HS3ST3B1: variants seen among roughly 807,000 people sequenced by gnomAD.
The protein encoded by HS3ST3B1 is heparan sulfate-glucosamine 3-sulfotransferase 3B1.
A neutral mutation model predicts 21.3 loss-of-function variants in HS3ST3B1; 13 were observed. That is an observed-to-expected ratio of 0.61 (90% CI 0.40 to 0.97). The LOEUF (loss-of-function observed/expected upper bound fraction) is 0.97, where lower values mean the gene tolerates loss of function less well. Ranked by LOEUF, HS3ST3B1 falls within the 50% of genes least tolerant of loss-of-function variation. The pLI is 0.00. For missense variants in HS3ST3B1, 459 were observed against 554.8 expected (o/e 0.83, Z 1.73); for synonymous variants, 234 against 254.8 (o/e 0.92, Z 0.78).
At chr17:14,319,173 T>C (rs1347030304) in intron 1 of HS3ST3B1, among the ~76,000 whole-genome samples, 2 of 152,176 alleles carry the variant, frequency 1.3e-5, no homozygotes, top group Non-Finnish European at 2.9e-5. Context: ...CAAGCTCAAG[T>C]ATAGTGGTGG....
At position 14,331,177 on chromosome 17, in the gene HS3ST3B1, AT is replaced by A. The variant is rs374296753; in HGVS notation, c.555-13849del. On this transcript the variant is annotated intron_variant, in intron 1 of 1. Transcript: ENST00000360954. ...CCCCTAGGAAATAGGACACAGGATC[AT>A]TGATTTCACAGGATTTGTCCCGGCA... Among the ~76,000 whole-genome samples the A allele has an allele frequency of 3.4e-3, 523 of 152,204 alleles. 2 individuals carry two copies. In the Middle Eastern group the frequency reaches 0.037, roughly 11 times the overall value.
rs965928844 is a variant in HS3ST3B1 at position 14,349,051 on chromosome 17, A to C, written c.*3405A>C. On this transcript the variant is annotated 3_prime_UTR_variant, in exon 2 of 2. Transcript: ENST00000360954. Reference sequence around the variant, plus strand: ...GGAAAATGGAAGATTCCAATAAACTAGAAACAGTACGTATCTAAGATGCTG... The same window carrying C: ...GGAAAATGGAAGATTCCAATAAACTCGAAACAGTACGTATCTAAGATGCTG... 3 of 152,238 alleles carry C rather than the reference A, an allele frequency of 2.0e-5. No homozygotes were observed. Among genetic ancestry groups the C allele is most frequent in the African/African-American group, 4.8e-5 (2 of 41,466 alleles). The allele number at this position is 152,238 out of a possible 1,614,324, so 9.4% of individuals were successfully genotyped here.
intron 1 of HS3ST3B1, among the ~76,000 whole-genome samples, chr17:14,302,663 T>C (rs1001201933): frequency 6.6e-6 from 1 of 151,758 alleles, no homozygotes; most frequent in Non-Finnish European, 1.5e-5. Flanking sequence ...CTCGGGAGGG[T>C]GAGCCGGGCG....
At chr17:14,338,484 C>A (rs184806109) in intron 1 of HS3ST3B1, among the ~76,000 whole-genome samples, 55 of 151,418 alleles carry the variant, frequency 3.6e-4, no homozygotes, top group Non-Finnish European at 5.9e-5. Flanking sequence ...CTCTTGTTGC[C>A]CAGGCTGGAG....
In HS3ST3B1 at chr17:14,301,887, C is replaced by T; in HGVS notation, c.369C>T (p.Ser123=). ...GTCCCGAGGTGCCGGACTCCCCAAG[C>T]CCCATCTCCAGCTTTTTCAGTGGGT... ...EQSPEVPDSP[S]PISSFFSGSG... is the part of the protein sequence containing the mutation. The change falls in exon 1 of 2, where the codon AGC becomes AGT. Residue 123 remains serine, a synonymous_variant. Coordinates refer to ENST00000360954, the MANE Select transcript of HS3ST3B1 (RefSeq NM_006041.3). 1 of 1,607,728 alleles carries T rather than the reference C, an allele frequency of 6.2e-7. No individual in the cohort carries two copies. Among genetic ancestry groups the T allele is most frequent in the East Asian group, 2.2e-5 (1 of 44,654 alleles).
Position 14,301,295 on chromosome 17 carries a change from A to T in HS3ST3B1, c.-224A>T. 1 of 492,440 alleles carries T rather than the reference A, an allele frequency of 2.0e-6. No homozygotes were observed. The highest frequency in any genetic ancestry group is 3.5e-6 in the Non-Finnish European group (1 of 283,672). 30.5% of individuals were successfully genotyped at this position (492,440 alleles called of 1,614,324 possible). ...TACCGCCGTCCCGACTTTCCGTTCC[A>T]GTTGCAGCTCCTGCCGGGCAACATG... is the stretch of plus-strand genomic sequence containing the variant. On this transcript the variant is annotated 5_prime_UTR_variant, in exon 1 of 2. Transcript: ENST00000360954.
At position 14,304,822 on chromosome 17, in the gene HS3ST3B1, TAAG is replaced by T. The variant is rs1909077753; in HGVS notation, c.554+2753_554+2755del. The stretch of plus-strand genomic sequence containing the variant: ...GAGTGGGGAGACATTTTGAAGGCAT[TAAG>T]AACAAAAAACGATGGGGACGAATGG... On this transcript the variant is annotated intron_variant, in intron 1 of 1. Transcript: ENST00000360954. 4 of 152,274 alleles carry T rather than the reference TAAG, an allele frequency of 2.6e-5. No homozygotes were observed. The South Asian group carries it at 8.3e-4, about 32-fold the overall frequency. The allele number at this position is 152,274 out of a possible 1,614,324, so 9.4% of individuals were successfully genotyped here.
intron 1 of HS3ST3B1, among the ~76,000 whole-genome samples, chr17:14,322,360 A>G (rs534803126): frequency 6.6e-6 from 1 of 152,242 alleles, no homozygotes; most frequent in African/African-American, 2.4e-5. Context: ...ACAACCCTTC[A>G]TTGTTATTAC....
intron 1 of HS3ST3B1, chr17:14,304,304 G>C (rs1909056189): frequency 6.6e-6 from 1 of 152,280 alleles, no homozygotes; most frequent in African/African-American, 2.4e-5. Context: ...GGATCGGGCT[G>C]CCGGAGGAGC....
chr17:14,346,768 C>T lies in HS3ST3B1; in HGVS notation c.*1122C>T, dbSNP rs141020580. On this transcript the variant is annotated 3_prime_UTR_variant, in exon 2 of 2. Transcript: ENST00000360954. ...TCCTTTAATTTGCATGAAACTACAC[C>T]ATGCTGCGTTCCCCAGGCAGACAGT... 1.6e-4 allele frequency: 24 copies of T among 152,298 alleles called. No individual in the cohort carries two copies. The highest frequency in any genetic ancestry group is 3.4e-3 in the Middle Eastern group (1 of 294). The allele number at this position is 152,298 out of a possible 1,614,324, so 9.4% of individuals were successfully genotyped here.
chr17:14,340,448 A>G (rs917966472), intron 1 of HS3ST3B1, among the ~76,000 whole-genome samples: 1 of 152,032 alleles, frequency 6.6e-6, no homozygotes, highest in Non-Finnish European at 1.5e-5. Context: ...CCACTTGCCC[A>G]TGCTGTATTC....
rs1330283953 is a variant in HS3ST3B1 at position 14,345,539 on chromosome 17, A to G, written c.1066A>G (p.Thr356Ala). The G allele has an allele frequency of 5.0e-6, 8 of 1,602,070 alleles. No individual in the cohort carries two copies. The highest frequency in any genetic ancestry group is 6.8e-6 in the Non-Finnish European group (8 of 1,173,788). The stretch of plus-strand genomic sequence containing the variant: ...TTGCCTGGGCAAGACCAAGGGCAGG[A>G]CCCATCCTGAGATCGACCGCGAGGT... ...PHCLGKTKGR[T>A]HPEIDREVVR... The change falls in exon 2 of 2, where the codon ACC becomes GCC. Residue 356 changes from threonine (T) to alanine (A), a missense_variant. Thr to Ala is a moderately conservative substitution (Grantham distance 58). Around this residue, in one of 3 missense-constraint regions of HS3ST3B1, gnomAD observed 127 missense variants for 209.9 expected, o/e 0.60. Transcript: ENST00000360954.
At chr17:14,317,294 G>A (rs900117680) in intron 1 of HS3ST3B1, among the ~76,000 whole-genome samples, 2 of 152,196 alleles carry the variant, frequency 1.3e-5, no homozygotes, top group Non-Finnish European at 2.9e-5. Flanking sequence ...ACTACTAGTG[G>A]AATGTCATCT....
chr17:14,302,500 T>TTC (rs1908969662), intron 1 of HS3ST3B1, among the ~76,000 whole-genome samples: 1 of 152,160 alleles, frequency 6.6e-6, no homozygotes, highest in Admixed American at 6.5e-5. Context: ...CTCAAGGAAC[T>TTC]TCTAGAGCAG....
intron 1 of HS3ST3B1, among the ~76,000 whole-genome samples, chr17:14,331,568 CG>C (rs752209810): frequency 6.6e-6 from 1 of 152,070 alleles, no homozygotes; most frequent in Non-Finnish European, 1.5e-5. Flanking sequence ...GAGGAGGGCT[CG>C]GGAGTCCATC....
At chr17:14,319,096 T>G (rs1597591984) in intron 1 of HS3ST3B1, among the ~76,000 whole-genome samples, 1 of 152,130 alleles carries the variant, frequency 6.6e-6, no homozygotes, top group African/African-American at 2.4e-5. Context: ...GAAGCTCAGG[T>G]GCGGAGAGAG....
intron 1 of HS3ST3B1, among the ~76,000 whole-genome samples, chr17:14,313,113 T>TATATAC (rs1909375694): frequency 1.1e-4 from 14 of 129,972 alleles, no homozygotes; most frequent in African/African-American, 3.9e-4. Context: ...TGTGTGTATA[T>TATATAC]ATATATATAT....
intron 1 of HS3ST3B1, among the ~76,000 whole-genome samples, chr17:14,340,479 T>C (rs1355710812): frequency 6.6e-6 from 1 of 152,132 alleles, no homozygotes; most frequent in Non-Finnish European, 1.5e-5. Flanking sequence ...CCAATCTGTC[T>C]CCCCATCACT....
chr17:14,341,949 G>A (rs1191647859), intron 1 of HS3ST3B1, among the ~76,000 whole-genome samples: 2 of 152,166 alleles, frequency 1.3e-5, no homozygotes, highest in African/African-American at 2.4e-5. Flanking sequence ...AATTTAAGTG[G>A]TTAATGGACA....
Sources: allele counts gnomAD v4.1 joint callset (sites outside exome capture counted in the v4.1 genomes callset), GRCh38; gene constraint gnomAD v4.1.1; regional missense constraint gnomAD v4.1.1; transcripts MANE v1.5; gene names NCBI Gene and HGNC (gene_info 2026-07-23, HGNC 2026-07-21).